Variants in SLCO1C1 observed in about 807,000 individuals in gnomAD.
SLCO1C1 encodes solute carrier organic anion transporter family member 1C1.
A neutral mutation model predicts 76.4 loss-of-function variants in SLCO1C1; 70 were observed. The observed-to-expected ratio is 0.92, with a 90% CI of 0.76 to 1.12. The LOEUF is 1.12. Among genes scored for constraint, SLCO1C1 ranks in the 50% most tolerant of loss-of-function variants. SLCO1C1 has a pLI of 0.00. For missense variants in SLCO1C1, 912 were observed against 823.8 expected, an observed-to-expected ratio of 1.11 and a Z score of -1.31; for synonymous variants, 306 against 286.1, an observed-to-expected ratio of 1.07 and a Z score of -0.70.
At chr12:20,748,907 A>C (rs1183872510) in intron 13 of SLCO1C1, among the ~76,000 whole-genome samples, 1 of 152,168 alleles carries the variant, frequency 6.6e-6, no homozygotes, top group Non-Finnish European at 1.5e-5. Flanking sequence ...CCCTTGGTGA[A>C]GGTGGTGTCT....
At chr12:20,734,434 C>A (rs1299601459) in intron 10 of SLCO1C1, among the ~76,000 whole-genome samples, 1 of 152,138 alleles carries the variant, frequency 6.6e-6, no homozygotes, top group Non-Finnish European at 1.5e-5. Context: ...AAGCCCAGTG[C>A]CATCTTTAAC....
chr12:20,719,186 T>C (rs989674705), intron 7 of SLCO1C1, among the ~76,000 whole-genome samples: 1 of 151,736 alleles, frequency 6.6e-6, no homozygotes, highest in Non-Finnish European at 1.5e-5. Flanking sequence ...AGTATTGTAA[T>C]TGTTTTGGGG....
intron 11 of SLCO1C1, among the ~76,000 whole-genome samples, chr12:20,738,041 T>C (rs12230787): frequency 0.049 from 7,466 of 152,076 alleles, 499 homozygotes; most frequent in African/African-American, 0.15. Context: ...TATCCTCACA[T>C]GGCAGAGAGC....
At chr12:20,730,769 AC>A (rs765608106) in intron 9 of SLCO1C1, among the ~76,000 whole-genome samples, 3 of 152,224 alleles carry the variant, frequency 2.0e-5, no homozygotes, top group Non-Finnish European at 2.9e-5. Context: ...AACAGATGAA[AC>A]AAAATGACCC....
rs1949389835 is a variant in SLCO1C1 at position 20,753,257 on chromosome 12, T to C, written c.*729T>C. On this transcript the variant is annotated 3_prime_UTR_variant, in exon 15 of 15. Transcript: ENST00000266509. ...ATGAATCCAATGAATTTAAAACTAT[T>C]GTTAAATATAATACTGCCCCACTTT... The C allele has an allele frequency of 6.6e-6, 1 of 152,220 alleles. No homozygotes were observed. The highest frequency in any genetic ancestry group is 6.5e-5 in the Admixed American group (1 of 15,288). The allele number at this position is 152,220 out of a possible 1,614,324, so 9.4% of individuals were successfully genotyped here. A position where few individuals can be genotyped will look rare whatever the true frequency, so the allele number is the denominator to read the frequency against.
chr12:20,699,821 T>G (rs1946435560), intron 2 of SLCO1C1, 116 bp downstream of exon 2: 6 of 1,152,286 alleles, frequency 5.2e-6, no homozygotes, highest in Non-Finnish European at 4.7e-6. Context: ...AAAAAGATCT[T>G]AGATGCAATT....
At chr12:20,726,787 G>T (rs532821323) in intron 9 of SLCO1C1, among the ~76,000 whole-genome samples, 2 of 152,088 alleles carry the variant, frequency 1.3e-5, no homozygotes, top group South Asian at 2.1e-4. Flanking sequence ...TGAGGTTTAG[G>T]GTATGACTGA....
intron 9 of SLCO1C1, among the ~76,000 whole-genome samples, chr12:20,727,894 A>T (rs1948102030): frequency 6.6e-6 from 1 of 152,136 alleles, no homozygotes; most frequent in African/African-American, 2.4e-5. Context: ...TGTTTCGTTT[A>T]AGTTCCTTAT....
At chr12:20,732,347 G>C (rs1565531889) in intron 9 of SLCO1C1, among the ~76,000 whole-genome samples, 1 of 152,124 alleles carries the variant, frequency 6.6e-6, no homozygotes, top group Non-Finnish European at 1.5e-5. Context: ...TCTTAAGGTT[G>C]TGGGGAAAAT....
At chr12:20,750,930 A>G in intron 14 of SLCO1C1, 138 bp downstream of exon 14, 1 of 1,503,794 alleles carries the variant, frequency 6.6e-7, no homozygotes, top group African/African-American at 1.4e-5. Context: ...TGTGATCTGT[A>G]GTCATAGAAT....
At chr12:20,739,388 G>GTT (rs58047375) in intron 11 of SLCO1C1, among the ~76,000 whole-genome samples, 147 of 148,418 alleles carry the variant, frequency 9.9e-4, no homozygotes, top group African/African-American at 3.5e-3. Flanking sequence ...GATGGGAGTT[G>GTT]TTTTTTTTTG....
At chr12:20,701,212 T>C (rs1946509000) in intron 2 of SLCO1C1, 106 bp from the exon 3 acceptor site, 2 of 1,133,028 alleles carry the variant, frequency 1.8e-6, no homozygotes, top group Non-Finnish European at 2.3e-6. Flanking sequence ...GTTGATATTA[T>C]ACATTGTTCT....
chr12:20,721,136 A>G (rs1197604514), intron 7 of SLCO1C1, among the ~76,000 whole-genome samples: 2 of 152,148 alleles, frequency 1.3e-5, no homozygotes, highest in African/African-American at 4.8e-5. Flanking sequence ...CAAAAGATTT[A>G]GTAAATTACA....
At chr12:20,715,676 C>G (rs777721588) in intron 6 of SLCO1C1, among the ~76,000 whole-genome samples, 18 of 143,532 alleles carry the variant, frequency 1.3e-4, no homozygotes, top group Non-Finnish European at 2.1e-4. Context: ...ATTTGATAAG[C>G]CTTGATAAGC....
chr12:20,713,134 CA>C (rs1947202545), intron 5 of SLCO1C1, among the ~76,000 whole-genome samples: 1 of 147,250 alleles, frequency 6.8e-6, no homozygotes, highest in Non-Finnish European at 1.5e-5. Flanking sequence ...GGCTGGAGTG[CA>C]GTGGCGCGAT....
At chr12:20,722,187 T>A in intron 8 of SLCO1C1, 138 bp downstream of exon 8, 1 of 1,174,420 alleles carries the variant, frequency 8.5e-7, no homozygotes, top group Non-Finnish European at 1.2e-6. Context: ...GAAATTGATG[T>A]CAGCTTTATT....
At position 20,748,648 on chromosome 12, in the gene SLCO1C1, T is replaced by C. The variant is rs143902730; in HGVS notation, c.1799-2027T>C. 7.6e-3 allele frequency among the ~76,000 whole-genome samples: 1,152 copies of C among 152,300 alleles called. 12 individuals are homozygous for C. Among genetic ancestry groups the C allele is most frequent in the South Asian group, 0.012 (60 of 4,826 alleles). On this transcript the variant is annotated intron_variant, in intron 13 of 14. Coordinates refer to ENST00000266509, the MANE Select transcript of SLCO1C1 (RefSeq NM_017435.5). ...GACCACATATTGCATTTAGTTACCT[T>C]TCTTTATCTCCAAAAATTCCTCATT...
intron 11 of SLCO1C1, among the ~76,000 whole-genome samples, chr12:20,738,676 G>T (rs977704272): frequency 2.6e-5 from 4 of 152,014 alleles, no homozygotes; most frequent in African/African-American, 4.8e-5. Context: ...GCTCACAGCT[G>T]CATGAAGGTT....
intron 11 of SLCO1C1, among the ~76,000 whole-genome samples, chr12:20,739,505 G>A (rs1194855927): frequency 2.0e-5 from 3 of 151,738 alleles, no homozygotes; most frequent in Non-Finnish European, 4.4e-5. Flanking sequence ...AGAGCTGCCC[G>A]GGCAGAGAAA....
Sources: allele counts gnomAD v4.1 joint callset (sites outside exome capture counted in the v4.1 genomes callset), GRCh38; gene constraint gnomAD v4.1.1; transcripts MANE v1.5; gene names NCBI Gene and HGNC (gene_info 2026-07-23, HGNC 2026-07-21).